Variants in SNX29 observed in about 807,000 individuals in gnomAD.
The protein encoded by SNX29 is sorting nexin-29.
Under a neutral mutation model 102.1 loss-of-function variants are expected in SNX29, and 78 were observed. The observed-to-expected ratio is 0.76, with a 90% CI of 0.64 to 0.92. The LOEUF (loss-of-function observed/expected upper bound fraction) is 0.92. Among genes scored for constraint, SNX29 ranks in the 40% least tolerant of loss-of-function variants. SNX29 has a pLI of 0.00. For synonymous variants in SNX29, 580 were observed against 414.5 expected, an observed-to-expected ratio of 1.40 and a Z score of -4.85; for missense variants, 1,280 against 1,061.7, an observed-to-expected ratio of 1.21 and a Z score of -2.86.
intron 15 of SNX29, among the ~76,000 whole-genome samples, chr16:12,329,287 A>AAAAAAC (rs2151205040): frequency 1.3e-5 from 2 of 151,164 alleles, no homozygotes; most frequent in East Asian, 3.9e-4. Flanking sequence ...AAAAAAAAAA[A>AAAAAAC]AAAAAAAAGT....
chr16:11,995,219 C>G (rs1009068308), intron 1 of SNX29, among the ~76,000 whole-genome samples: 1 of 152,202 alleles, frequency 6.6e-6, no homozygotes, highest in Non-Finnish European at 1.5e-5. Context: ...GCGCCCGTCA[C>G]CACACCTGGC....
Position 12,409,338 on chromosome 16 carries a change from A to G in SNX29, c.2037+5809A>G, listed in dbSNP as rs114829178. 9.7e-3 allele frequency among the ~76,000 whole-genome samples: 1,473 copies of G among 151,920 alleles called. 11 individuals are homozygous for G. The highest frequency in any genetic ancestry group is 0.028 in the Middle Eastern group (8 of 290). On this transcript the variant is annotated intron_variant, in intron 18 of 20. Coordinates refer to ENST00000566228, the MANE Select transcript of SNX29 (RefSeq NM_032167.5). ...TATGACAGAGTTAAATTTGTTGTTAATTAATTTCTAGTTTATACCTTTGCA... is the reference window on the plus strand; with the variant it reads ...TATGACAGAGTTAAATTTGTTGTTAGTTAATTTCTAGTTTATACCTTTGCA...
chr16:12,289,977 G>A (rs1473300511), intron 15 of SNX29, among the ~76,000 whole-genome samples: 1 of 152,168 alleles, frequency 6.6e-6, no homozygotes, highest in Non-Finnish European at 1.5e-5. Context: ...GCTCGTCACT[G>A]GCAGTGTGGA....
chr16:12,445,801 A>G (rs987702391), intron 18 of SNX29, among the ~76,000 whole-genome samples: 3 of 152,134 alleles, frequency 2.0e-5, no homozygotes, highest in Admixed American at 2.0e-4. Flanking sequence ...CTTTACAGAT[A>G]TTAACCAATT....
At chr16:12,330,815 G>A (rs79816494) in intron 15 of SNX29, among the ~76,000 whole-genome samples, 2,622 of 150,616 alleles carry the variant, frequency 0.017, 100 homozygotes, top group African/African-American at 0.06. Flanking sequence ...TAGGTCTGGC[G>A]GATGGAGGAG....
rs74418483 is a variant in SNX29 at position 12,413,391 on chromosome 16, A to G, written c.2037+9862A>G. On this transcript the variant is annotated intron_variant, in intron 18 of 20. Transcript: ENST00000566228. ...AGACAGGTGGCAGAGGGTGGGGTAC[A>G]GGGTGGATATGGGAGCGAATAACAG... 7.3e-3 allele frequency among the ~76,000 whole-genome samples: 1,116 copies of G among 152,064 alleles called. 16 individuals carry two copies. Among genetic ancestry groups the G allele is most frequent in the African/African-American group, 0.025 (1,038 of 41,476 alleles).
chr16:12,517,483 A>G (rs1342633740), intron 19 of SNX29, among the ~76,000 whole-genome samples: 3 of 152,080 alleles, frequency 2.0e-5, no homozygotes, highest in Non-Finnish European at 4.4e-5. Flanking sequence ...CCACTCCACC[A>G]CCAGGGATCT....
chr16:12,490,955 T>G (rs1264844083), intron 19 of SNX29, among the ~76,000 whole-genome samples: 3 of 152,262 alleles, frequency 2.0e-5, no homozygotes, highest in East Asian at 3.8e-4. Flanking sequence ...TTCTGTGTCC[T>G]TATATTACAT....
In SNX29 at chr16:12,573,195, G is replaced by A. The variant is rs992998236; in HGVS notation, c.*4566G>A. Reference sequence around the variant, plus strand: ...AGGGTGTAGCCATCCAGGGTCTCCCGGCTCTAGGCAGACCGGATCCCGCAG... The same window carrying A: ...AGGGTGTAGCCATCCAGGGTCTCCCAGCTCTAGGCAGACCGGATCCCGCAG... On this transcript the variant is annotated 3_prime_UTR_variant, in exon 21 of 21. Coordinates refer to ENST00000566228, the MANE Select transcript of SNX29 (RefSeq NM_032167.5). 8.8e-6 allele frequency: 2 copies of A among 226,082 alleles called. No homozygotes were observed. The highest frequency in any genetic ancestry group is 6.4e-5 in the East Asian group (1 of 15,636). The allele number at this position is 226,082 out of a possible 1,614,324, so 14.0% of individuals were successfully genotyped here.
rs774040975 is a variant in SNX29 at position 12,403,558 on chromosome 16, A to C, written c.2037+29A>C. On this transcript the variant is annotated intron_variant, in intron 18 of 20. Coordinates refer to ENST00000566228, the MANE Select transcript of SNX29 (RefSeq NM_032167.5). ...AGTGCCTGGTTTTCAGGTGGACATC[A>C]CAGCTGGGTGGAAAAACGCCCATTT... 5 of 1,580,610 alleles carry C rather than the reference A, an allele frequency of 3.2e-6. No homozygotes were observed. The East Asian group carries it at 1.1e-4, about 36-fold the overall frequency.
At chr16:11,998,374 G>T (rs1199390460) in intron 1 of SNX29, among the ~76,000 whole-genome samples, 1 of 152,198 alleles carries the variant, frequency 6.6e-6, no homozygotes, top group Non-Finnish European at 1.5e-5. Context: ...TCTTGCCCCA[G>T]ACCTTCCTAA....
chr16:12,539,012 A>C (rs1309076552), intron 20 of SNX29, among the ~76,000 whole-genome samples: 1 of 152,216 alleles, frequency 6.6e-6, no homozygotes, highest in Non-Finnish European at 1.5e-5. Flanking sequence ...TTCGAGCCAA[A>C]ACCATCCATG....
chr16:12,438,757 C>A (rs1181593555), intron 18 of SNX29, among the ~76,000 whole-genome samples: 1 of 152,166 alleles, frequency 6.6e-6, no homozygotes, highest in African/African-American at 2.4e-5. Context: ...CAGAAGAGGT[C>A]ACATTTGAAC....
intron 20 of SNX29, chr16:12,560,979 G>C (rs1384054899): frequency 4.7e-6 from 1 of 213,632 alleles, no homozygotes; most frequent in Non-Finnish European, 9.5e-6. Context: ...AGGAACCCTT[G>C]GGTACTGCCA....
At chr16:12,186,178 A>C (rs939328576) in intron 13 of SNX29, among the ~76,000 whole-genome samples, 3 of 152,226 alleles carry the variant, frequency 2.0e-5, no homozygotes, top group Admixed American at 2.0e-4. Flanking sequence ...CTGTAAATCT[A>C]TATATATATT....
intron 14 of SNX29, among the ~76,000 whole-genome samples, chr16:12,205,753 C>G (rs1157208502): frequency 6.6e-6 from 1 of 152,234 alleles, no homozygotes; most frequent in African/African-American, 2.4e-5. Flanking sequence ...CTCAAGGTAT[C>G]TTGGTCATTG....
At chr16:11,976,954 C>A in intron 1 of SNX29, 141 bp downstream of exon 1, 3 of 1,096,518 alleles carry the variant, frequency 2.7e-6, no homozygotes, top group Non-Finnish European at 3.5e-6. Flanking sequence ...AGACCCCTGG[C>A]CCCCAGGACT....
intron 18 of SNX29, among the ~76,000 whole-genome samples, chr16:12,429,996 C>T (rs1298372891): frequency 6.6e-6 from 1 of 152,228 alleles, no homozygotes; most frequent in Non-Finnish European, 1.5e-5. Context: ...CCGGGCCACA[C>T]AGCAGGAGGT....
At chr16:12,014,649 T>C (rs999059403) in intron 3 of SNX29, among the ~76,000 whole-genome samples, 2 of 150,858 alleles carry the variant, frequency 1.3e-5, no homozygotes, top group African/African-American at 4.9e-5. Context: ...GAAGAATTGC[T>C]TGAACCTGGG....
Sources: allele counts gnomAD v4.1 joint callset (sites outside exome capture counted in the v4.1 genomes callset), GRCh38; gene constraint gnomAD v4.1.1; transcripts MANE v1.5; gene names NCBI Gene and HGNC (gene_info 2026-07-23, HGNC 2026-07-21).